The following SMARCA5 variants were observed in gnomAD, a reference collection of about 807,000 sequenced individuals.
SMARCA5 encodes SWI/SNF-related matrix-associated actin-dependent regulator of chromatin subfamily A member 5.
SMARCA5 carries 18 observed loss-of-function variants against 140.4 expected under a neutral mutation model. The observed-to-expected ratio is 0.13, with a 90% CI of 0.09 to 0.19. The LOEUF (loss-of-function observed/expected upper bound fraction) is 0.19, where lower values mean the gene tolerates loss of function less well. Among genes scored for constraint, SMARCA5 ranks in the 10% least tolerant of loss-of-function variants. The probability of loss-of-function intolerance (pLI) is 1.00; values close to 1 mark genes in which losing one functional copy is unlikely to be tolerated. For synonymous variants in SMARCA5, 449 were observed against 419.6 expected (o/e 1.07, Z -0.86); for missense variants, 606 against 1,276.8 (o/e 0.47, Z 8.01).
Position 143,538,578 on chromosome 4 carries a change from A to G in SMARCA5, c.1496-12A>G. On this transcript the variant is annotated splice_polypyrimidine_tract_variant and intron_variant, in intron 11 of 23. Transcript: ENST00000283131. ...GAAGCCACTGATAATAGATTGTTAT[A>G]TTCCCCAACAGGTTCACGAGTACTA... is the stretch of plus-strand genomic sequence containing the variant. The G allele has an allele frequency of 6.2e-7, 1 of 1,610,686 alleles. No individual in the cohort carries two copies. Among genetic ancestry groups the G allele is most frequent in the South Asian group, 1.1e-5 (1 of 90,770 alleles).
Position 143,536,590 on chromosome 4 carries a change from T to C in SMARCA5, c.1407T>C (p.Gly469=). 3 of 1,613,912 alleles carry C rather than the reference T, an allele frequency of 1.9e-6. No homozygotes were observed. Among genetic ancestry groups the C allele is most frequent in the Non-Finnish European group, 1.7e-6 (2 of 1,179,856 alleles). Residue 469 remains glycine (G), a synonymous_variant, in exon 11 of 24, where the codon GGT becomes GGC. Coordinates refer to ENST00000283131, the MANE Select transcript of SMARCA5 (RefSeq NM_003601.4). ...HPYLFDGAEP[G]PPYTTDMHLV... ...ATCTCTTTGATGGAGCAGAACCTGG[T>C]CCACCTTATACAACAGATATGCATC...
intron 22 of SMARCA5, among the ~76,000 whole-genome samples, chr4:143,548,922 T>A (rs901782054): frequency 6.6e-5 from 10 of 151,896 alleles, no homozygotes; most frequent in Non-Finnish European, 1.3e-4. Context: ...CCACTGAAAA[T>A]TTTTTTTCAC....
chr4:143,515,248 G>C (rs919552561), intron 1 of SMARCA5, among the ~76,000 whole-genome samples: 1 of 152,204 alleles, frequency 6.6e-6, no homozygotes, highest in Non-Finnish European at 1.5e-5. Context: ...CTGGGGTTAA[G>C]TAACATTAAT....
chr4:143,530,060 A>T lies in SMARCA5; in HGVS notation c.1090-398A>T, dbSNP rs878943825. ...CAATTTCATTTAGTAAGTTTGATTAAAATTGACATTGTTCGTAAACTTGTA... is the reference window on the plus strand; with the variant it reads ...CAATTTCATTTAGTAAGTTTGATTATAATTGACATTGTTCGTAAACTTGTA... On this transcript the variant is annotated intron_variant, in intron 8 of 23. Transcript: ENST00000283131. Among the ~76,000 whole-genome samples, 99 of 152,224 alleles carry T rather than the reference A, an allele frequency of 6.5e-4. 5 individuals are homozygous for T. Among genetic ancestry groups the T allele is most frequent in the Non-Finnish European group, 4.4e-5 (3 of 68,024 alleles).
rs1737162482 is a variant in SMARCA5, at chr4:143,530,459, A to G, written c.1091A>G (p.Asp364Gly). 2 of 1,609,214 alleles carry G rather than the reference A, an allele frequency of 1.2e-6. No individual in the cohort carries two copies. The highest frequency in any genetic ancestry group is 8.5e-7 in the Non-Finnish European group (1 of 1,176,922). The stretch of plus-strand genomic sequence containing the variant: ...TATATTTTTTGTTTGTTTATCTAGG[A>G]CTTTGATTCCTGGTTTGATACAAAC... The part of the protein sequence containing the change: ...LLPDVFNSAD[D>G]FDSWFDTNNC... Residue 364 changes from aspartate (D) to glycine (G), a missense_variant and splice_region_variant, in exon 9 of 24, where the codon GAC (aspartate) becomes GGC (glycine). By Grantham distance (94) the Asp-to-Gly change is moderately conservative (BLOSUM62 -1). Coordinates refer to ENST00000283131, the MANE Select transcript of SMARCA5 (RefSeq NM_003601.4).
intron 11 of SMARCA5, 82 bp downstream of exon 11, chr4:143,536,760 C>A: frequency 1.1e-6 from 1 of 939,098 alleles, no homozygotes; most frequent in Non-Finnish European, 1.7e-6. Context: ...TTTGAAATGA[C>A]TGCTCTGATG....
rs1213292512 is a variant in SMARCA5 at position 143,525,485 on chromosome 4, C to T, written c.555C>T (p.Val185=). 1 of 1,613,238 alleles carries T rather than the reference C, an allele frequency of 6.2e-7. No homozygotes were observed. The highest frequency in any genetic ancestry group is 1.7e-5 in the Admixed American group (1 of 60,020). Residue 185 remains valine, a synonymous_variant, in exon 5 of 24, where the codon GTC becomes GTT. Coordinates refer to ENST00000283131, the MANE Select transcript of SMARCA5 (RefSeq NM_003601.4). ...GGGGTAAACTGAGAGATTATCAGGT[C>T]CGAGGATTAAACTGGCTCATTTCTT... is the stretch of plus-strand genomic sequence containing the variant. ...VKWGKLRDYQ[V]RGLNWLISLY...
rs971748401 is a variant in SMARCA5 at position 143,542,466 on chromosome 4, A to G, written c.1904-1043A>G. Among the ~76,000 whole-genome samples the G allele has an allele frequency of 3.3e-5, 5 of 152,212 alleles. No individual in the cohort carries two copies. In the East Asian group the frequency reaches 9.6e-4, roughly 29 times the overall value. On this transcript the variant is annotated intron_variant, in intron 14 of 23. Transcript: ENST00000283131. The stretch of plus-strand genomic sequence containing the variant: ...TGTATAAGCATAAGAACATTTTGGT[A>G]GCAATGGTAGCATCCAATCCAAGGA...
chr4:143,543,631 G>A lies in SMARCA5; in HGVS notation c.2026G>A (p.Gly676Ser). 3 of 1,612,952 alleles carry A rather than the reference G, an allele frequency of 1.9e-6. No homozygotes were observed. The highest frequency in any genetic ancestry group is 2.5e-6 in the Non-Finnish European group (3 of 1,179,392). The change falls in exon 15 of 24, where the codon GGT becomes AGT. Residue 676 changes from glycine (G) to serine (S), a missense_variant. This residue lies in a region of SMARCA5 where 62 missense variants were observed against 256.6 expected (regional missense o/e 0.24). Transcript: ENST00000283131. Reference protein sequence around the residue: ...ESEITDEDIDGILERGAKKTA... With the variant: ...ESEITDEDIDSILERGAKKTA... The stretch of plus-strand genomic sequence containing the variant: ...TGAGATCACTGATGAAGATATCGAT[G>A]GTATTTTGGAAAGAGGTGCAAAGAA...
At chr4:143,540,661 A>T (rs1737409627) in intron 14 of SMARCA5, among the ~76,000 whole-genome samples, 166 bp downstream of exon 14, 1 of 152,210 alleles carries the variant, frequency 6.6e-6, no homozygotes, top group Admixed American at 6.5e-5. Context: ...TTTGTCATTA[A>T]AAAGATGGAT....
intron 8 of SMARCA5, 89 bp from the exon 9 acceptor site, chr4:143,530,369 A>T: frequency 1.3e-6 from 1 of 776,228 alleles, no homozygotes; most frequent in Non-Finnish European, 2.0e-6. Flanking sequence ...TCAAATTACT[A>T]ATTCTAGAAA....
chr4:143,517,350 AC>A lies in SMARCA5; in HGVS notation c.178-3del. The A allele has an allele frequency of 6.3e-7, 1 of 1,599,642 alleles. No homozygotes were observed. Among genetic ancestry groups the A allele is most frequent in the Non-Finnish European group, 8.5e-7 (1 of 1,171,462 alleles). On this transcript the variant is annotated splice_region_variant and splice_polypyrimidine_tract_variant and intron_variant, in intron 1 of 23. Transcript: ENST00000283131. Reference sequence around the variant, plus strand: ...CAATTCTATTTAATTATTTCTTTCTACCAGGAAATATTTGATGATGCGTCAC... The same window carrying A: ...CAATTCTATTTAATTATTTCTTTCTACAGGAAATATTTGATGATGCGTCAC...
intron 20 of SMARCA5, 87 bp from the exon 21 acceptor site, chr4:143,547,298 A>G: frequency 1.4e-6 from 1 of 707,894 alleles, no homozygotes; most frequent in Non-Finnish European, 2.4e-6. Flanking sequence ...TAAGAATTAG[A>G]AGATAAATAA....
At chr4:143,533,907 A>T (rs1169144185) in intron 9 of SMARCA5, among the ~76,000 whole-genome samples, 1 of 152,128 alleles carries the variant, frequency 6.6e-6, no homozygotes, top group Non-Finnish European at 1.5e-5. Context: ...ACAAGTATAT[A>T]CTCAAACATA....
In SMARCA5 at chr4:143,554,388, C is replaced by T. The variant is rs1474801151; in HGVS notation, c.*1204C>T. On this transcript the variant is annotated 3_prime_UTR_variant, in exon 24 of 24. Transcript: ENST00000283131. Reference sequence around the variant, plus strand: ...AATCCGTAAAGTGGTCTTTTCTTTCCATTTCTTTAATTGTTTTCTCAATTT... The same window carrying T: ...AATCCGTAAAGTGGTCTTTTCTTTCTATTTCTTTAATTGTTTTCTCAATTT... The T allele has an allele frequency of 6.6e-6, 1 of 151,872 alleles. No individual in the cohort carries two copies. Among genetic ancestry groups the T allele is most frequent in the Non-Finnish European group, 1.5e-5 (1 of 67,960 alleles). 9.4% of individuals were successfully genotyped at this position (151,872 alleles called of 1,614,324 possible).
rs142058702 is a variant in SMARCA5 at position 143,532,598 on chromosome 4, C to T, written c.1158+2072C>T. Reference sequence around the variant, plus strand: ...TATAATGAAAGGAGGGTTTAGAAGTCGGTATGGATGCGCTTAGGAATGAGA... The same window carrying T: ...TATAATGAAAGGAGGGTTTAGAAGTTGGTATGGATGCGCTTAGGAATGAGA... On this transcript the variant is annotated intron_variant, in intron 9 of 23. Coordinates refer to ENST00000283131, the MANE Select transcript of SMARCA5 (RefSeq NM_003601.4). 4.9e-3 allele frequency among the ~76,000 whole-genome samples: 752 copies of T among 152,130 alleles called. 5 individuals carry two copies. The highest frequency in any genetic ancestry group is 0.017 in the African/African-American group (717 of 41,480).
chr4:143,553,270 A>G lies in SMARCA5; in HGVS notation c.*86A>G. On this transcript the variant is annotated 3_prime_UTR_variant, in exon 24 of 24. Transcript: ENST00000283131. ...CATAAGATGTACTGTACAATGCTCA[A>G]TTGTTATGTCATTTAAAGACATCAG... 2.3e-6 allele frequency: 2 copies of G among 886,758 alleles called. No individual in the cohort carries two copies. Among genetic ancestry groups the G allele is most frequent in the South Asian group, 1.4e-5 (1 of 71,778 alleles). 54.9% of individuals were successfully genotyped at this position (886,758 alleles called of 1,614,324 possible).
chr4:143,534,373 G>A (rs1737262348), intron 9 of SMARCA5, among the ~76,000 whole-genome samples: 1 of 151,936 alleles, frequency 6.6e-6, no homozygotes, highest in Non-Finnish European at 1.5e-5. Context: ...ATATCCATAG[G>A]TTCCACATCC....
chr4:143,547,981 C>A lies in SMARCA5; in HGVS notation c.2826C>A (p.Asn942Lys), dbSNP rs1433231971. 1 of 1,611,606 alleles carries A rather than the reference C, an allele frequency of 6.2e-7. No homozygotes were observed. The highest frequency in any genetic ancestry group is 8.5e-7 in the Non-Finnish European group (1 of 1,178,384). Residue 942 changes from asparagine to lysine, a missense_variant, in exon 22 of 24, where the codon AAC (asparagine) becomes AAA (lysine). This residue lies in a region of SMARCA5 where 121 missense variants were observed against 227.1 expected (regional missense o/e 0.53). Coordinates refer to ENST00000283131, the MANE Select transcript of SMARCA5 (RefSeq NM_003601.4). ...AGCTGAGAATATCATATGGTACTAA[C>A]AAAGGAAAAAACTATACTGAAGAAG... ...FHQLRISYGT[N>K]KGKNYTEEED... is the part of the protein sequence containing the mutation.
Sources: gnomAD v4.1 joint callset for allele counts (sites outside exome capture counted in the v4.1 genomes callset) on GRCh38, gnomAD v4.1.1 for gene constraint, gnomAD v4.1.1 regional missense constraint, MANE v1.5 for transcripts, NCBI Gene and HGNC (gene_info 2026-07-23, HGNC 2026-07-21) for gene names.